Variants in DYNC2H1 observed in about 807,000 individuals in gnomAD.
DYNC2H1 encodes the protein cytoplasmic dynein 2 heavy chain 1.
In DYNC2H1, 410 loss-of-function variants were observed where a neutral mutation model predicts 570.0. The observed-to-expected ratio is 0.72, with a 90% CI of 0.66 to 0.78. The LOEUF (loss-of-function observed/expected upper bound fraction) is 0.78, where lower values mean the gene tolerates loss of function less well. DYNC2H1 is among the 30% of genes least tolerant of loss of function. The pLI is 0.00. For missense variants in DYNC2H1, 4,865 were observed against 5,046.4 expected (o/e 0.96, Z 1.09); for synonymous variants, 1,688 against 1,677.6 (o/e 1.01, Z -0.15).
rs1030377412 is a variant in DYNC2H1 at position 103,472,240 on chromosome 11, C to G, written c.12765+3535C>G. On this transcript the variant is annotated intron_variant, in intron 88 of 88. Transcript: ENST00000375735. This position sits in a 1 kb window ranked among gnomAD's most constrained non-coding sequence, Gnocchi z 4.1. ...GTAGGAAGCCATCAAGAATTTAGAACAGGGCCAGGCACGGTGGCTCACACC... is the reference window on the plus strand; with the variant it reads ...GTAGGAAGCCATCAAGAATTTAGAAGAGGGCCAGGCACGGTGGCTCACACC... Among the ~76,000 whole-genome samples, 1 of 152,002 alleles carries G rather than the reference C, an allele frequency of 6.6e-6. No homozygotes were observed. The highest frequency in any genetic ancestry group is 6.6e-5 in the Admixed American group (1 of 15,252).
rs1035537050 is a variant in DYNC2H1, at chr11:103,479,716, A to G, written c.*463A>G. 1.5e-4 allele frequency: 23 copies of G among 152,150 alleles called. No individual in the cohort carries two copies. The highest frequency in any genetic ancestry group is 5.5e-4 in the African/African-American group (23 of 41,546). The allele number at this position is 152,150 out of a possible 1,614,324, so 9.4% of individuals were successfully genotyped here. On this transcript the variant is annotated 3_prime_UTR_variant, in exon 89 of 89. Coordinates refer to ENST00000375735, the MANE Select transcript of DYNC2H1 (RefSeq NM_001377.3). Reference sequence around the variant, plus strand: ...AAAGTATCAACATGAATATAATTATACTATGCTAATTATAATATACAAATA... The same window carrying G: ...AAAGTATCAACATGAATATAATTATGCTATGCTAATTATAATATACAAATA...
At chr11:103,398,946 A>G (rs1340252367) in intron 83 of DYNC2H1, among the ~76,000 whole-genome samples, 1 of 152,108 alleles carries the variant, frequency 6.6e-6, no homozygotes, top group African/African-American at 2.4e-5. Flanking sequence ...AAATTGAAAA[A>G]AATGCCCATT....
chr11:103,284,662 A>G (rs1405173346), intron 73 of DYNC2H1, among the ~76,000 whole-genome samples: 1 of 152,196 alleles, frequency 6.6e-6, no homozygotes, highest in East Asian at 1.9e-4. Flanking sequence ...ATTGAAATGT[A>G]ATTTATTTTC....
intron 70 of DYNC2H1, among the ~76,000 whole-genome samples, chr11:103,263,038 A>AAAAAAAAAAAC (rs1324491686): frequency 6.7e-6 from 1 of 149,390 alleles, no homozygotes; most frequent in African/African-American, 2.5e-5. Context: ...AAAAAAAAAA[A>AAAAAAAAAAAC]AAAAAAAAGC....
chr11:103,182,672 G>T (rs1008747110), intron 40 of DYNC2H1, among the ~76,000 whole-genome samples: 2 of 151,850 alleles, frequency 1.3e-5, no homozygotes, highest in Non-Finnish European at 2.9e-5. Context: ...AAAGAAGACC[G>T]TGGAGGGTGT....
At chr11:103,399,632 T>A in intron 83 of DYNC2H1, 31 bp from the exon 84 acceptor site, 1 of 1,501,696 alleles carries the variant, frequency 6.7e-7, no homozygotes, top group Non-Finnish European at 9.2e-7. Flanking sequence ...TGTGTTACTA[T>A]TCGGTAAATA....
At chr11:103,428,202 A>ATTGG (rs1177489738) in intron 84 of DYNC2H1, among the ~76,000 whole-genome samples, 1 of 128,202 alleles carries the variant, frequency 7.8e-6, no homozygotes, top group Non-Finnish European at 1.6e-5. Flanking sequence ...TTTTTTTTTC[A>ATTGG]GAATATCTGA....
rs1328306169 is a variant in DYNC2H1 at position 103,461,696 on chromosome 11, A to G, written c.12648+5340A>G. Among the ~76,000 whole-genome samples the G allele has an allele frequency of 1.3e-5, 2 of 150,074 alleles. No individual in the cohort carries two copies. Among genetic ancestry groups the G allele is most frequent in the Non-Finnish European group, 2.9e-5 (2 of 67,800 alleles). Reference sequence around the variant, plus strand: ...CTCTGCATGGAACGGTCAATTCCCTAGAAAATGTAAACATCCTTTGGTCTT... The same window carrying G: ...CTCTGCATGGAACGGTCAATTCCCTGGAAAATGTAAACATCCTTTGGTCTT... On this transcript the variant is annotated intron_variant, in intron 87 of 88. Coordinates refer to ENST00000375735, the MANE Select transcript of DYNC2H1 (RefSeq NM_001377.3). The surrounding 1 kb of genome is among the most constrained non-coding windows in gnomAD (Gnocchi z 4.8).
chr11:103,314,354 A>G (rs925865227), intron 79 of DYNC2H1, among the ~76,000 whole-genome samples: 1 of 152,126 alleles, frequency 6.6e-6, no homozygotes, highest in South Asian at 2.1e-4. Context: ...GACATTGTTA[A>G]GTATCAGTGT....
chr11:103,428,370 G>A (rs1002275993), intron 84 of DYNC2H1, among the ~76,000 whole-genome samples: 9 of 152,000 alleles, frequency 5.9e-5, no homozygotes, highest in Non-Finnish European at 4.4e-5. Flanking sequence ...TATATTCAAT[G>A]AGCTCAATAT....
At chr11:103,458,738 C>T (rs1001254111) in intron 87 of DYNC2H1, among the ~76,000 whole-genome samples, 3 of 152,070 alleles carry the variant, frequency 2.0e-5, no homozygotes, top group Admixed American at 6.5e-5. Context: ...ATTTAAAAGT[C>T]TGTGATGGAA....
chr11:103,447,641 C>T (rs958975664), intron 85 of DYNC2H1, among the ~76,000 whole-genome samples: 2 of 152,154 alleles, frequency 1.3e-5, no homozygotes, highest in Non-Finnish European at 1.5e-5. Context: ...CTGCATCCAT[C>T]ACTAGACAGC....
intron 84 of DYNC2H1, among the ~76,000 whole-genome samples, chr11:103,409,178 T>A (rs377157876): frequency 5.3e-5 from 8 of 152,040 alleles, no homozygotes; most frequent in African/African-American, 1.9e-4. Context: ...CCTTTTACTT[T>A]TTGTAACCTT....
intron 85 of DYNC2H1, among the ~76,000 whole-genome samples, chr11:103,451,193 C>T (rs191192092): frequency 8.2e-4 from 124 of 151,908 alleles, no homozygotes; most frequent in African/African-American, 2.8e-3. Flanking sequence ...AGTGCTATGC[C>T]ATAATTTAAT....
intron 70 of DYNC2H1, among the ~76,000 whole-genome samples, chr11:103,269,685 C>T (rs1408826500): frequency 6.6e-6 from 1 of 151,978 alleles, no homozygotes; most frequent in Non-Finnish European, 1.5e-5. Flanking sequence ...GTTTTTTCTT[C>T]AAGAGATCAA....
chr11:103,109,821 G>T, intron 1 of DYNC2H1, 52 bp downstream of exon 1: 1 of 1,548,970 alleles, frequency 6.5e-7, no homozygotes. Flanking sequence ...CAAGTCCCCA[G>T]GCCCAGCCAG....
intron 52 of DYNC2H1, among the ~76,000 whole-genome samples, chr11:103,208,212 G>T (rs538233221): frequency 1.3e-5 from 2 of 151,500 alleles, no homozygotes; most frequent in African/African-American, 4.9e-5. Context: ...GGTATTAGAG[G>T]GATTATCTAT....
At chr11:103,112,323 A>G (rs144706239) in intron 1 of DYNC2H1, among the ~76,000 whole-genome samples, 16 of 152,314 alleles carry the variant, frequency 1.1e-4, no homozygotes, top group Admixed American at 1.0e-3. Flanking sequence ...CATTTAGGAC[A>G]CTGTATACCA....
At chr11:103,451,963 CT>C (rs959159166) in intron 85 of DYNC2H1, among the ~76,000 whole-genome samples, 1 of 151,652 alleles carries the variant, frequency 6.6e-6, no homozygotes, top group African/African-American at 2.4e-5. Flanking sequence ...GCCTATATTT[CT>C]TTTATCTTTT....
Sources: allele counts gnomAD v4.1 joint callset (sites outside exome capture counted in the v4.1 genomes callset), GRCh38; gene constraint gnomAD v4.1.1; non-coding constraint Gnocchi (gnomAD v3.1); transcripts MANE v1.5; gene names NCBI Gene and HGNC (gene_info 2026-07-23, HGNC 2026-07-21).